Variants in C10orf67 observed in about 807,000 individuals in gnomAD.
C10orf67 encodes uncharacterized protein C10orf67, mitochondrial.
A neutral mutation model predicts 35.6 loss-of-function variants in C10orf67; 60 were observed. The ratio of observed to expected loss-of-function variants is 1.68; its 90% CI spans 1.37 to 2.09. C10orf67 has a LOEUF of 2.09. C10orf67 is among the 30% of genes most tolerant of loss of function. The probability of loss-of-function intolerance (pLI) is 0.00; values close to 1 mark genes in which losing one functional copy is unlikely to be tolerated. For synonymous variants in C10orf67, 167 were observed against 115.8 expected (o/e 1.44, Z -2.84); for missense variants, 474 against 330.2 (o/e 1.44, Z -3.38).
chr10:23,236,375 T>C (rs1427741482), intron 13 of C10orf67, among the ~76,000 whole-genome samples: 7 of 149,090 alleles, frequency 4.7e-5, no homozygotes, highest in Non-Finnish European at 8.9e-5. Context: ...GAAGTTGCAG[T>C]GAGACGAGAT....
chr10:23,328,993 C>CAAA (rs57772405), intron 2 of C10orf67, among the ~76,000 whole-genome samples: 169 of 78,692 alleles, frequency 2.1e-3, no homozygotes, highest in Middle Eastern at 8.1e-3. Flanking sequence ...CATAAACGAA[C>CAAA]AAAAAAAAAA....
chr10:23,323,489 A>T (rs58620447), intron 2 of C10orf67, among the ~76,000 whole-genome samples: 1,912 of 150,488 alleles, frequency 0.013, 41 homozygotes, highest in African/African-American at 0.044. Context: ...AGAGAGATCT[A>T]AAAAAAAAAT....
At chr10:23,223,964 CT>C in intron 13 of C10orf67, 146 bp from the exon 14 acceptor site, 1 of 617,360 alleles carries the variant, frequency 1.6e-6, no homozygotes. Context: ...TGCGGAAATC[CT>C]TTTCTTCATT....
intron 4 of C10orf67, chr10:23,318,561 T>C (rs888803109): frequency 4.0e-6 from 1 of 252,256 alleles, no homozygotes; most frequent in East Asian, 8.1e-5. Context: ...GCAGCCCTGA[T>C]TCAAGGGAGG....
At chr10:23,273,915 C>T (rs907282774) in intron 8 of C10orf67, among the ~76,000 whole-genome samples, 1 of 152,132 alleles carries the variant, frequency 6.6e-6, no homozygotes, top group Non-Finnish European at 1.5e-5. Flanking sequence ...GAACCAGCCC[C>T]CAATATTTCA....
chr10:23,235,012 CAAA>C (rs57049730), intron 13 of C10orf67, among the ~76,000 whole-genome samples: 1 of 76,024 alleles, frequency 1.3e-5, no homozygotes, highest in Non-Finnish European at 2.6e-5. Flanking sequence ...AATTCCATCT[CAAA>C]AAAAAAAAAA....
At chr10:23,255,731 C>T (rs1472124141) in intron 10 of C10orf67, among the ~76,000 whole-genome samples, 1 of 151,872 alleles carries the variant, frequency 6.6e-6, no homozygotes, top group African/African-American at 2.4e-5. Flanking sequence ...CTCAGGAAGG[C>T]ACTGGTAAAT....
intron 4 of C10orf67, among the ~76,000 whole-genome samples, chr10:23,314,553 T>C (rs934965835): frequency 1.3e-5 from 2 of 150,864 alleles, no homozygotes; most frequent in East Asian, 3.9e-4. Flanking sequence ...CAGTTTCTGT[T>C]GGTCAGGAAT....
chr10:23,319,068 G>T, intron 4 of C10orf67: 1 of 648,746 alleles, frequency 1.5e-6, no homozygotes, highest in South Asian at 1.7e-5. Context: ...TAAATTGCAC[G>T]TCACAGGGTT....
chr10:23,229,159 C>A lies in C10orf67; in HGVS notation c.1435-5341G>T, dbSNP rs577045208. Among the ~76,000 whole-genome samples, 7 of 151,998 alleles carry A rather than the reference C, an allele frequency of 4.6e-5. No homozygotes were observed. The South Asian group carries it at 1.5e-3, about 32-fold the overall frequency. On this transcript the variant is annotated intron_variant, in intron 13 of 15. Coordinates refer to ENST00000636213, the MANE Select transcript of C10orf67 (RefSeq NM_001371909.1). ...CGTATGTTCACTGCGGCACTATTCACAATAGCAAAGACTTGGAACCAACCC... is the reference window on the plus strand; with the variant it reads ...CGTATGTTCACTGCGGCACTATTCAAAATAGCAAAGACTTGGAACCAACCC...
At chr10:23,289,249 G>A (rs905422992) in intron 7 of C10orf67, among the ~76,000 whole-genome samples, 2 of 152,068 alleles carry the variant, frequency 1.3e-5, no homozygotes, top group African/African-American at 2.4e-5. Flanking sequence ...CTGCAGCCCC[G>A]AACTTCTGAG....
intron 1 of C10orf67, among the ~76,000 whole-genome samples, chr10:23,334,136 T>G (rs1262153627): frequency 1.3e-5 from 2 of 152,220 alleles, no homozygotes; most frequent in Non-Finnish European, 1.5e-5. Flanking sequence ...GTGCCAATAA[T>G]TTTTTAAGAC....
chr10:23,342,524 A>C (rs1845937644), intron 1 of C10orf67, among the ~76,000 whole-genome samples: 1 of 152,150 alleles, frequency 6.6e-6, no homozygotes, highest in Non-Finnish European at 1.5e-5. Context: ...GTTCAGCCAA[A>C]GAGCACCCGG....
At chr10:23,265,356 CTAAG>C (rs1391630038) in intron 10 of C10orf67, among the ~76,000 whole-genome samples, 1 of 152,174 alleles carries the variant, frequency 6.6e-6, no homozygotes, top group African/African-American at 2.4e-5. Context: ...CCTCCATGCT[CTAAG>C]TGAGAGAAGT....
At chr10:23,288,973 T>C (rs1843631383) in intron 7 of C10orf67, among the ~76,000 whole-genome samples, 1 of 152,156 alleles carries the variant, frequency 6.6e-6, no homozygotes, top group Admixed American at 6.5e-5. Context: ...TCCACCCTCA[T>C]GGAGCCTCCA....
At chr10:23,304,379 C>G (rs1421782578) in intron 4 of C10orf67, among the ~76,000 whole-genome samples, 2 of 152,298 alleles carry the variant, frequency 1.3e-5, no homozygotes, top group Admixed American at 6.5e-5. Flanking sequence ...TTGGGGTGGG[C>G]CTGCAACCTA....
At chr10:23,245,765 T>C (rs1216692521) in intron 12 of C10orf67, among the ~76,000 whole-genome samples, 1 of 152,176 alleles carries the variant, frequency 6.6e-6, no homozygotes, top group Non-Finnish European at 1.5e-5. Context: ...GGAATGTAAA[T>C]AGTTCAGCCA....
chr10:23,342,426 A>G (rs540932798), intron 1 of C10orf67, among the ~76,000 whole-genome samples: 1 of 152,186 alleles, frequency 6.6e-6, no homozygotes, highest in East Asian at 1.9e-4. Flanking sequence ...TCAGCACCTG[A>G]GCCTCTCTCA....
intron 13 of C10orf67, among the ~76,000 whole-genome samples, chr10:23,224,961 GA>G (rs1358780729): frequency 6.6e-6 from 1 of 152,198 alleles, no homozygotes; most frequent in African/African-American, 2.4e-5. Flanking sequence ...TATTATCCAG[GA>G]GAACTTCCCC....
Sources: allele counts gnomAD v4.1 joint callset (sites outside exome capture counted in the v4.1 genomes callset), GRCh38; gene constraint gnomAD v4.1.1; transcripts MANE v1.5; gene names NCBI Gene and HGNC (gene_info 2026-07-23, HGNC 2026-07-21).